The following NOTCH1 variants were observed in gnomAD, a reference collection of about 807,000 sequenced individuals.
NOTCH1 encodes neurogenic locus notch homolog protein 1.
In NOTCH1, 37 loss-of-function variants were observed where a neutral mutation model predicts 254.8. The ratio of observed to expected loss-of-function variants is 0.15; its 90% CI spans 0.11 to 0.19. The LOEUF (loss-of-function observed/expected upper bound fraction) is 0.19, where lower values mean the gene tolerates loss of function less well. Among genes scored for constraint, NOTCH1 ranks in the 10% least tolerant of loss-of-function variants. The pLI, the probability that NOTCH1 is intolerant of heterozygous loss-of-function variation, is 1.00. For missense variants in NOTCH1, 2,972 were observed against 3,708.6 expected (o/e 0.80, Z 5.16); for synonymous variants, 1,731 against 1,618.1 (o/e 1.07, Z -1.68).
intron 4 of NOTCH1, among the ~76,000 whole-genome samples, chr9:136,521,300 C>T (rs1480931204): frequency 6.6e-6 from 1 of 152,128 alleles, no homozygotes; most frequent in Non-Finnish European, 1.5e-5. Context: ...ACCCCAGCCT[C>T]TGAGATCTAC....
chr9:136,511,235 G>A lies in NOTCH1; in HGVS notation c.2504C>T (p.Pro835Leu). ...CTCCCCGCCGTTTCTGCAGGGGCTG[G>A]GGGCACACGGGGCCAGCACCACCTC... is the stretch of plus-strand genomic sequence containing the variant. ...TCEVVLAPCA[P>L]SPCRNGGECR... The change falls in exon 16 of 34, where the codon CCC becomes CTC. Residue 835 changes from proline to leucine, a missense_variant. Physicochemically the swap from Pro to Leu is moderately conservative, Grantham distance 98. This residue lies in a region of NOTCH1 where 1,343 missense variants were observed against 1,557.0 expected (regional missense o/e 0.86). Transcript: ENST00000651671. 1 of 1,612,566 alleles carries A rather than the reference G, an allele frequency of 6.2e-7. No individual in the cohort carries two copies. Among genetic ancestry groups the A allele is most frequent in the Non-Finnish European group, 8.5e-7 (1 of 1,179,948 alleles).
rs1382987716 is a variant in NOTCH1, at chr9:136,519,513, G to A, written c.795C>T (p.Asn265=). 1.2e-6 allele frequency: 2 copies of A among 1,613,058 alleles called. No individual in the cohort carries two copies. The highest frequency in any genetic ancestry group is 2.2e-5 in the East Asian group (1 of 44,884). ...EENIDDCPGN[N]CKNGGACVDG... Reference sequence around the variant, plus strand: ...CCACACAGGCACCCCCGTTCTTGCAGTTGTTTCCTGGACAATCGTCGATAT... The same window carrying A: ...CCACACAGGCACCCCCGTTCTTGCAATTGTTTCCTGGACAATCGTCGATAT... The change falls in exon 5 of 34, where the codon AAC becomes AAT. Residue 265 remains asparagine (N), a synonymous_variant. Transcript: ENST00000651671.
Position 136,513,397 on chromosome 9 carries a change from A to C in NOTCH1, c.2348T>G (p.Phe783Cys). 6.2e-7 allele frequency: 1 copy of C among 1,612,884 alleles called. No homozygotes were observed. The highest frequency in any genetic ancestry group is 8.5e-7 in the Non-Finnish European group (1 of 1,180,024). The change falls in exon 14 of 34, where the codon TTC (phenylalanine) becomes TGC (cysteine). Residue 783 changes from phenylalanine to cysteine, a missense_variant. Phe to Cys is a radical substitution (Grantham distance 205). Around this residue, in one of 8 missense-constraint regions of NOTCH1, gnomAD observed 1,343 missense variants for 1,557.0 expected, o/e 0.86. Coordinates refer to ENST00000651671, the MANE Select transcript of NOTCH1 (RefSeq NM_017617.5). This position sits in a 1 kb window ranked among gnomAD's most constrained non-coding sequence, Gnocchi z 4.7. ...SGYVCTCREGFSGPNCQTNIN... is the reference protein window; with the variant it reads ...SGYVCTCREGCSGPNCQTNIN... ...GAAACGCGCAGCCCACTCACCGCTG[A>C]AGCCCTCCCGGCAGGTGCACACGTA...
At chr9:136,520,833 G>T (rs1451353507) in intron 4 of NOTCH1, among the ~76,000 whole-genome samples, 1 of 152,200 alleles carries the variant, frequency 6.6e-6, no homozygotes, top group Non-Finnish European at 1.5e-5. Flanking sequence ...CCCCTGGCTG[G>T]GCCTGCGACC....
Position 136,531,443 on chromosome 9 carries a change from C to T in NOTCH1, c.141-7464G>A, listed in dbSNP as rs74554038. ...AAAGAGGAGGAAGGCGCGTGTCCCC[C>T]GCACCCCCAGCCCCACCCAGACGGT... On this transcript the variant is annotated intron_variant, in intron 2 of 33. Coordinates refer to ENST00000651671, the MANE Select transcript of NOTCH1 (RefSeq NM_017617.5). 1.6e-4 allele frequency among the ~76,000 whole-genome samples: 24 copies of T among 152,350 alleles called. 2 individuals carry two copies. The highest frequency in any genetic ancestry group is 5.9e-4 in the Admixed American group (9 of 15,312).
intron 27 of NOTCH1, chr9:136,502,860 CTTTT>C (rs992167533): frequency 7.1e-6 from 4 of 566,422 alleles, no homozygotes; most frequent in African/African-American, 3.8e-5. Context: ...CTCTCTCTCT[CTTTT>C]TTTTTCTTTA....
chr9:136,521,970 CTCT>C (rs933937152), intron 4 of NOTCH1, among the ~76,000 whole-genome samples: 2 of 151,530 alleles, frequency 1.3e-5, no homozygotes, highest in African/African-American at 4.8e-5. Flanking sequence ...TTTCTTTTTT[CTCT>C]TCACTTTTTT....
At position 136,528,440 on chromosome 9, in the gene NOTCH1, GA is replaced by G. The variant is rs1178160829; in HGVS notation, c.141-4462del. On this transcript the variant is annotated intron_variant, in intron 2 of 33. Coordinates refer to ENST00000651671, the MANE Select transcript of NOTCH1 (RefSeq NM_017617.5). ...TGCGGGGGGGATGGGCAGGGACGGT[GA>G]GGGGGGGATGGGCAGGGACAGTGTT... 4.8e-3 allele frequency among the ~76,000 whole-genome samples: 52 copies of G among 10,924 alleles called. 2 individuals carry two copies. Among genetic ancestry groups the G allele is most frequent in the Non-Finnish European group, 0.011 (31 of 2,696 alleles). The allele number at this position is 10,924 out of a possible 152,430, so 7.2% of individuals were successfully genotyped here.
At chr9:136,500,182 C>G (rs543444416) in intron 31 of NOTCH1, among the ~76,000 whole-genome samples, 1 of 152,214 alleles carries the variant, frequency 6.6e-6, no homozygotes, top group African/African-American at 2.4e-5. Context: ...CAGGCTACGC[C>G]GGCAGCCAAG....
At position 136,502,372 on chromosome 9, in the gene NOTCH1, G is replaced by A. The variant is rs1356199208; in HGVS notation, c.5284C>T (p.Arg1762Trp). ...GGGAACCAGAGCTGGCCATGCTGCC[G>A]CCGGCGCTTGCGGGACAGCAGCACC... is the stretch of plus-strand genomic sequence containing the variant. ...CGVLLSRKRRRQHGQLWFPEG... is the reference protein window; with the variant it reads ...CGVLLSRKRRWQHGQLWFPEG... The change falls in exon 28 of 34, where the codon CGG (arginine) becomes TGG (tryptophan). Residue 1762 changes from arginine (R) to tryptophan (W), a missense_variant. Coordinates refer to ENST00000651671, the MANE Select transcript of NOTCH1 (RefSeq NM_017617.5). The A allele has an allele frequency of 2.5e-6, 4 of 1,612,336 alleles. No homozygotes were observed. Among genetic ancestry groups the A allele is most frequent in the Non-Finnish European group, 3.4e-6 (4 of 1,179,762 alleles).
rs1397261908 is a variant in NOTCH1, at chr9:136,518,619, G to C, written c.1071C>G (p.Phe357Leu). 1 of 1,612,734 alleles carries C rather than the reference G, an allele frequency of 6.2e-7. No homozygotes were observed. The highest frequency in any genetic ancestry group is 1.3e-5 in the African/African-American group (1 of 74,942). The change falls in exon 6 of 34, where the codon TTC (phenylalanine) becomes TTG (leucine). Residue 357 changes from phenylalanine (F) to leucine (L), a missense_variant. By Grantham distance (22) the Phe-to-Leu change is conservative (BLOSUM62 0). Coordinates refer to ENST00000651671, the MANE Select transcript of NOTCH1 (RefSeq NM_017617.5). Reference sequence around the variant, plus strand: ...TGCGGCCATGGGGACACTCGCAGTAGAAGGAGGCCACACGGTCATGGCAGG... The same window carrying C: ...TGCGGCCATGGGGACACTCGCAGTACAAGGAGGCCACACGGTCATGGCAGG... ...GATCHDRVAS[F>L]YCECPHGRTG...
In NOTCH1 at chr9:136,506,480, G is replaced by A. The variant is rs1311319968; in HGVS notation, c.4014+47C>T. 9 of 1,528,200 alleles carry A rather than the reference G, an allele frequency of 5.9e-6. No homozygotes were observed. The East Asian group carries it at 7.3e-5, about 12-fold the overall frequency. 94.7% of individuals were successfully genotyped at this position (1,528,200 alleles called of 1,614,324 possible). On this transcript the variant is annotated intron_variant, in intron 24 of 33. Coordinates refer to ENST00000651671, the MANE Select transcript of NOTCH1 (RefSeq NM_017617.5). This position sits in a 1 kb window ranked among gnomAD's most constrained non-coding sequence, Gnocchi z 4.5. ...CGAGGCCCCCACGTGGACCTCTCCAGGTGTCTCCCCTGGCGGGCCCCTGCC... is the reference window on the plus strand; with the variant it reads ...CGAGGCCCCCACGTGGACCTCTCCAAGTGTCTCCCCTGGCGGGCCCCTGCC...
chr9:136,524,707 G>C (rs544856314), intron 2 of NOTCH1, among the ~76,000 whole-genome samples: 2 of 148,040 alleles, frequency 1.4e-5, no homozygotes, highest in East Asian at 4.0e-4. Context: ...GCGCGATCTA[G>C]GCTCACTGCA....
rs949220276 is a variant in NOTCH1, at chr9:136,515,616, G to C, written c.1770C>G (p.Leu590=). 2 of 1,607,788 alleles carry C rather than the reference G, an allele frequency of 1.2e-6. No homozygotes were observed. Among genetic ancestry groups the C allele is most frequent in the Non-Finnish European group, 8.5e-7 (1 of 1,178,942 alleles). ...GGTGGCCCGTGTAGCCTGGGCGGCA[G>C]AGGCAGGTGAAGGTGGCGACGCCGT... The part of the protein sequence containing the change: ...CKDGVATFTC[L]CRPGYTGHHC... The change falls in exon 11 of 34, where the codon CTC becomes CTG. Residue 590 remains leucine, a synonymous_variant. Coordinates refer to ENST00000651671, the MANE Select transcript of NOTCH1 (RefSeq NM_017617.5).
rs1448345366 is a variant in NOTCH1, at chr9:136,510,689, G to A, written c.2704C>T (p.Arg902Cys). 15 of 1,609,578 alleles carry A rather than the reference G, an allele frequency of 9.3e-6. No homozygotes were observed. Among genetic ancestry groups the A allele is most frequent in the African/African-American group, 1.3e-5 (1 of 74,942 alleles). Residue 902 changes from arginine (R) to cysteine (C), a missense_variant, in exon 17 of 34, where the codon CGC becomes TGC. Coordinates refer to ENST00000651671, the MANE Select transcript of NOTCH1 (RefSeq NM_017617.5). ...RCHCQAGYSGRNCETDIDDCR... is the reference protein window; with the variant it reads ...RCHCQAGYSGCNCETDIDDCR... ...TCGTCGATGTCGGTCTCGCAGTTGCGCCCACTGTAGCCGGCCTGGCAGTGG... is the reference window on the plus strand; with the variant it reads ...TCGTCGATGTCGGTCTCGCAGTTGCACCCACTGTAGCCGGCCTGGCAGTGG...
intron 5 of NOTCH1, 142 bp from the exon 6 acceptor site, chr9:136,518,966 C>A (rs1291572372): frequency 5.6e-6 from 4 of 718,268 alleles, no homozygotes; most frequent in African/African-American, 1.7e-5. Context: ...CTAAATCACT[C>A]CTTCCTCTGC....
At chr9:136,538,215 C>T (rs1009007132) in intron 2 of NOTCH1, among the ~76,000 whole-genome samples, 1 of 152,142 alleles carries the variant, frequency 6.6e-6, no homozygotes, top group African/African-American at 2.4e-5. Context: ...GGGGCAGGGC[C>T]ACAAGGAGAA....
rs189550952 is a variant in NOTCH1 at position 136,506,494 on chromosome 9, C to A, written c.4014+33G>T. 3 of 1,545,420 alleles carry A rather than the reference C, an allele frequency of 1.9e-6. No individual in the cohort carries two copies. Among genetic ancestry groups the A allele is most frequent in the Middle Eastern group, 4.6e-4 (2 of 4,384 alleles). ...GGACCTCTCCAGGTGTCTCCCCTGG[C>A]GGGCCCCTGCCTCCCTGCACCCCTG... On this transcript the variant is annotated intron_variant, in intron 24 of 33. Coordinates refer to ENST00000651671, the MANE Select transcript of NOTCH1 (RefSeq NM_017617.5). This position sits in a 1 kb window ranked among gnomAD's most constrained non-coding sequence, Gnocchi z 4.5.
At chr9:136,520,926 C>G (rs183963640) in intron 4 of NOTCH1, among the ~76,000 whole-genome samples, 2 of 152,316 alleles carry the variant, frequency 1.3e-5, no homozygotes, top group Non-Finnish European at 2.9e-5. Flanking sequence ...TGGACCCCAG[C>G]TGGACCCTCT....
Sources: allele counts gnomAD v4.1 joint callset (sites outside exome capture counted in the v4.1 genomes callset), GRCh38; gene constraint gnomAD v4.1.1; regional missense constraint gnomAD v4.1.1; non-coding constraint Gnocchi (gnomAD v3.1); transcripts MANE v1.5; gene names NCBI Gene and HGNC (gene_info 2026-07-23, HGNC 2026-07-21).